The following BTBD8 variants were observed in gnomAD, a reference collection of about 807,000 sequenced individuals.
BTBD8 encodes BTB domain containing 8.
BTBD8 carries 110 observed loss-of-function variants against 162.9 expected under a neutral mutation model. The ratio of observed to expected loss-of-function variants is 0.68; its 90% CI spans 0.58 to 0.79. The LOEUF is 0.79. Ranked by LOEUF, BTBD8 falls within the 30% of genes least tolerant of loss-of-function variation. The pLI, the probability that BTBD8 is intolerant of heterozygous loss-of-function variation, is 0.00. For missense variants in BTBD8, 1,905 were observed against 2,085.4 expected (o/e 0.91, Z 1.68); for synonymous variants, 667 against 716.1 (o/e 0.93, Z 1.10).
intron 2 of BTBD8, among the ~76,000 whole-genome samples, chr1:92,091,451 G>T (rs1373185079): frequency 6.9e-6 from 1 of 143,890 alleles, no homozygotes; most frequent in Non-Finnish European, 1.5e-5. Context: ...TAATACACTC[G>T]TGTGTGTGTG....
chr1:92,167,264 C>A, intron 10 of BTBD8, 124 bp downstream of exon 10: 1 of 1,208,330 alleles, frequency 8.3e-7, no homozygotes, highest in Non-Finnish European at 1.1e-6. Flanking sequence ...AACTCCATAG[C>A]AGATGGCATG....
intron 4 of BTBD8, chr1:92,125,377 C>A: frequency 4.4e-6 from 1 of 228,940 alleles, no homozygotes; most frequent in Non-Finnish European, 8.7e-6. Context: ...TCCAGAAGCA[C>A]AACATTCAGG....
intron 2 of BTBD8, among the ~76,000 whole-genome samples, chr1:92,100,412 A>T (rs990078772): frequency 6.6e-6 from 1 of 152,108 alleles, no homozygotes; most frequent in Admixed American, 6.6e-5. Flanking sequence ...ATTATTAAAC[A>T]TTTGGTAGAA....
chr1:92,102,221 G>T lies in BTBD8; in HGVS notation c.348-252G>T, dbSNP rs143644293. Among the ~76,000 whole-genome samples the T allele has an allele frequency of 1.7e-3, 265 of 152,142 alleles. 3 individuals are homozygous for T. The highest frequency in any genetic ancestry group is 5.9e-3 in the African/African-American group (243 of 41,498). On this transcript the variant is annotated intron_variant, in intron 2 of 17. Transcript: ENST00000636805. ...TTTATTAGAGACAGGGTTTCGCCATGTTGGCCAGGCTGATCTTGAACTCCT... is the reference window on the plus strand; with the variant it reads ...TTTATTAGAGACAGGGTTTCGCCATTTTGGCCAGGCTGATCTTGAACTCCT...
chr1:92,144,810 TACACACACACACACACACAC>T (rs10631515), intron 7 of BTBD8, among the ~76,000 whole-genome samples: 2 of 140,742 alleles, frequency 1.4e-5, no homozygotes, highest in Admixed American at 7.2e-5. Flanking sequence ...AAAAAAAAAC[TACACACACACACACACACAC>T]ACACACACAC....
At chr1:92,122,376 A>C in intron 4 of BTBD8, among the ~76,000 whole-genome samples, 1 of 150,552 alleles carries the variant, frequency 6.6e-6, no homozygotes, top group East Asian at 2.0e-4. Flanking sequence ...CTCCTGCCTC[A>C]GCCTCCTGAG....
At chr1:92,080,865 T>A in intron 1 of BTBD8, 145 bp downstream of exon 1, 5 of 1,274,342 alleles carry the variant, frequency 3.9e-6, no homozygotes, top group Non-Finnish European at 5.3e-6. Context: ...TTAGCCAGTC[T>A]CCCCACTATT....
At position 92,102,546 on chromosome 1, in the gene BTBD8, G is replaced by A. The variant is rs1265410206; in HGVS notation, c.421G>A (p.Gly141Arg). Residue 141 changes from glycine (G) to arginine (R), a missense_variant, in exon 3 of 18, where the codon GGG (glycine) becomes AGG (arginine). This residue lies in a region of BTBD8 where 1,374 missense variants were observed against 1,442.7 expected (regional missense o/e 0.95). Transcript: ENST00000636805. The part of the protein sequence containing the change: ...EILRKKIMEI[G>R]ISQKQLDISF... ...TCTTAGGAAAAAGATAATGGAGATT[G>A]GGATATCACAAAAGCAACTTGACAT... 1 of 1,591,020 alleles carries A rather than the reference G, an allele frequency of 6.3e-7. No homozygotes were observed. The highest frequency in any genetic ancestry group is 1.7e-5 in the Admixed American group (1 of 57,724).
At chr1:92,149,737 C>A (rs1014164093) in intron 9 of BTBD8, among the ~76,000 whole-genome samples, 1 of 152,176 alleles carries the variant, frequency 6.6e-6, no homozygotes, top group Non-Finnish European at 1.5e-5. Context: ...GCAGCCAGAT[C>A]TGTAACTGTT....
chr1:92,112,060 A>G (rs1464161561), intron 4 of BTBD8, among the ~76,000 whole-genome samples: 4 of 152,200 alleles, frequency 2.6e-5, no homozygotes, highest in Non-Finnish European at 5.9e-5. Flanking sequence ...TTATTGTTCC[A>G]GTGAAAACTC....
chr1:92,141,055 T>C (rs1649764427), intron 6 of BTBD8, 60 bp from the exon 7 acceptor site: 2 of 1,405,950 alleles, frequency 1.4e-6, no homozygotes, highest in Admixed American at 5.2e-5. Context: ...AATAAATTAG[T>C]ATGTGTTGTG....
At chr1:92,149,164 T>A (rs1044904851) in intron 9 of BTBD8, among the ~76,000 whole-genome samples, 1 of 152,218 alleles carries the variant, frequency 6.6e-6, no homozygotes, top group South Asian at 2.1e-4. Flanking sequence ...ATATAAACGT[T>A]CATATTCCTT....
intron 9 of BTBD8, among the ~76,000 whole-genome samples, chr1:92,154,105 T>C (rs1650104374): frequency 6.6e-6 from 1 of 152,142 alleles, no homozygotes; most frequent in African/African-American, 2.4e-5. Flanking sequence ...TCTCTCACCA[T>C]GTGATGTGCC....
Position 92,080,363 on chromosome 1 carries a change from G to C in BTBD8, c.-209G>C, listed in dbSNP as rs1647960027. 1 of 654,218 alleles carries C rather than the reference G, an allele frequency of 1.5e-6. No homozygotes were observed. The highest frequency in any genetic ancestry group is 2.5e-6 in the Non-Finnish European group (1 of 407,166). 40.5% of individuals were successfully genotyped at this position (654,218 alleles called of 1,614,324 possible). ...GCACGCTCTTCCTGGGTCAAGAGCC[G>C]GCTCGGTTCTGGGATTCTGAGGCTC... On this transcript the variant is annotated 5_prime_UTR_variant, in exon 1 of 18. Transcript: ENST00000636805.
intron 4 of BTBD8, chr1:92,115,314 A>G (rs1649005272): frequency 2.2e-6 from 1 of 459,146 alleles, no homozygotes. Flanking sequence ...CAGAGTTGTT[A>G]TGGATGATCT....
intron 5 of BTBD8, among the ~76,000 whole-genome samples, chr1:92,131,248 CTCT>C (rs1649507964): frequency 1.3e-5 from 2 of 152,132 alleles, no homozygotes; most frequent in South Asian, 4.1e-4. Flanking sequence ...AGAAATTAAA[CTCT>C]TCAACCTAAC....
At position 92,141,168 on chromosome 1, in the gene BTBD8, C is replaced by G; in HGVS notation, c.887C>G (p.Ala296Gly). The change falls in exon 7 of 18, where the codon GCA (alanine) becomes GGA (glycine). Residue 296 changes from alanine to glycine, a missense_variant. Around this residue, in one of 3 missense-constraint regions of BTBD8, gnomAD observed 1,374 missense variants for 1,442.7 expected, o/e 0.95. Coordinates refer to ENST00000636805, the MANE Select transcript of BTBD8 (RefSeq NM_001376131.1). ...GGACTAGAAGGATTAAAAGAAGTAGCAATCTATATTTTAAGAAGAGATTAC... is the reference window on the plus strand; with the variant it reads ...GGACTAGAAGGATTAAAAGAAGTAGGAATCTATATTTTAAGAAGAGATTAC... ...MYGLEGLKEV[A>G]IYILRRDYCN... 1 of 1,582,900 alleles carries G rather than the reference C, an allele frequency of 6.3e-7. No individual in the cohort carries two copies. Among genetic ancestry groups the G allele is most frequent in the Non-Finnish European group, 8.6e-7 (1 of 1,162,602 alleles).
At position 92,129,737 on chromosome 1, in the gene BTBD8, G is replaced by A. The variant is rs762747031; in HGVS notation, c.713G>A (p.Cys238Tyr). ...TATTTTGCTGCAATGCTGAGTGGCT[G>A]TTGGGCTGAAAGCTCCCAAGAGTAC... ...SSYFAAMLSG[C>Y]WAESSQEYVT... The change falls in exon 5 of 18, where the codon TGT (cysteine) becomes TAT (tyrosine). Residue 238 changes from cysteine (C) to tyrosine (Y), a missense_variant. Coordinates refer to ENST00000636805, the MANE Select transcript of BTBD8 (RefSeq NM_001376131.1). 27 of 1,614,102 alleles carry A rather than the reference G, an allele frequency of 1.7e-5. No individual in the cohort carries two copies. The South Asian group carries it at 2.5e-4, about 15-fold the overall frequency.
At chr1:92,126,190 G>A in intron 4 of BTBD8, 1 of 516,168 alleles carries the variant, frequency 1.9e-6, no homozygotes, top group South Asian at 1.6e-5. Flanking sequence ...GGAGAACCAG[G>A]GGATGAGTTC....
Sources: gnomAD v4.1 joint callset for allele counts (sites outside exome capture counted in the v4.1 genomes callset) on GRCh38, gnomAD v4.1.1 for gene constraint, gnomAD v4.1.1 regional missense constraint, MANE v1.5 for transcripts, NCBI Gene and HGNC (gene_info 2026-07-23, HGNC 2026-07-21) for gene names.